CASD1: variants seen among roughly 807,000 people sequenced by gnomAD.
CASD1 encodes CAS1 domain sialic acid O acetyltransferase 1.
CASD1 carries 41 observed loss-of-function variants against 100.0 expected under a neutral mutation model. The ratio of observed to expected loss-of-function variants is 0.41; its 90% CI spans 0.32 to 0.53. CASD1 has a LOEUF of 0.53. Ranked by LOEUF, CASD1 falls within the 20% of genes least tolerant of loss-of-function variation. The probability of loss-of-function intolerance (pLI) is 0.25; values close to 1 mark genes in which losing one functional copy is unlikely to be tolerated. For missense variants in CASD1, 774 were observed against 948.7 expected (o/e 0.82, Z 2.42); for synonymous variants, 321 against 315.6 (o/e 1.02, Z -0.18).
At chr7:94,582,222 A>T in the CASD1 span, among the ~76,000 whole-genome samples, 1 of 152,236 alleles carries the variant, frequency 6.6e-6, no homozygotes, top group South Asian at 2.1e-4. Flanking sequence ...AGTTTAAGTG[A>T]TTCTCTTGCC....
chr7:94,544,657 T>C (rs1795589209), intron 11 of CASD1, 127 bp downstream of exon 11: 1 of 904,124 alleles, frequency 1.1e-6, no homozygotes, highest in Non-Finnish European at 1.6e-6. Context: ...GAAATAGCAC[T>C]GTGAAGTTGT....
At chr7:94,545,497 T>C in intron 11 of CASD1, 48 bp from the exon 12 acceptor site, 1 of 1,477,422 alleles carries the variant, frequency 6.8e-7, no homozygotes, top group Non-Finnish European at 9.4e-7. Context: ...GTACCTAGAA[T>C]GAAAACAATT....
chr7:94,603,473 C>G, the CASD1 span: 1 of 1,609,788 alleles, frequency 6.2e-7, no homozygotes, highest in East Asian at 2.2e-5. Context: ...GTGAAACTCT[C>G]AGGTTATCCT....
At chr7:94,627,826 GC>G in the CASD1 span, 2 of 204,908 alleles carry the variant, frequency 9.8e-6, no homozygotes, top group African/African-American at 4.7e-5. Flanking sequence ...TTGGCAAGTA[GC>G]AGGGGTATAT....
chr7:94,551,944 ATC>A (rs915242542), intron 15 of CASD1: 15 of 170,874 alleles, frequency 8.8e-5, no homozygotes, highest in Non-Finnish European at 1.2e-4. Context: ...GGCGATGTAT[ATC>A]TCCTTATTTT....
intron 3 of CASD1, among the ~76,000 whole-genome samples, chr7:94,526,355 G>A (rs1012070287): frequency 5.9e-5 from 9 of 152,196 alleles, no homozygotes; most frequent in African/African-American, 2.2e-4. Flanking sequence ...AGAGACTAGA[G>A]AATTGCCTTG....
the CASD1 span, among the ~76,000 whole-genome samples, chr7:94,564,503 T>C: frequency 1.3e-5 from 2 of 152,186 alleles, no homozygotes; most frequent in Admixed American, 6.5e-5. Context: ...CTATGATAGC[T>C]CTTGCCCCAC....
chr7:94,531,499 G>A (rs1404936725), intron 5 of CASD1, among the ~76,000 whole-genome samples: 3 of 152,104 alleles, frequency 2.0e-5, no homozygotes, highest in Admixed American at 1.3e-4. Context: ...TATATGGAAT[G>A]TAAGGTTTGG....
the CASD1 span, chr7:94,627,030 A>G: frequency 1.3e-5 from 2 of 152,086 alleles, no homozygotes; most frequent in Non-Finnish European, 2.9e-5. Context: ...GAATATTTAA[A>G]AAAATTAATT....
chr7:94,607,978 A>G, the CASD1 span, among the ~76,000 whole-genome samples: 1 of 152,194 alleles, frequency 6.6e-6, no homozygotes, highest in South Asian at 2.1e-4. Flanking sequence ...GAGCTGATAG[A>G]GCTGATACTA....
At chr7:94,628,180 G>C in the CASD1 span, 4 of 1,573,380 alleles carry the variant, frequency 2.5e-6, no homozygotes, top group Admixed American at 6.8e-5. Context: ...GTATAGTTTT[G>C]CTCTTTCTAG....
intron 2 of CASD1, 62 bp downstream of exon 2, chr7:94,517,718 G>C (rs1405106618): frequency 3.0e-6 from 3 of 988,344 alleles, no homozygotes; most frequent in Non-Finnish European, 3.1e-6. Context: ...TAGTGGAGAG[G>C]GGTTGGTGAA....
At position 94,555,596 on chromosome 7, in the gene CASD1, A is replaced by G; in HGVS notation, c.2232A>G (p.Ile744Met). ...TCAACATCATTGTCAGCACTTTCAT[A>G]TTTGTTTGTGTGGCACATGAAATTT... Reference protein sequence around the residue: ...PMLNIIVSTFIFVCVAHEISQ... With the variant: ...PMLNIIVSTFMFVCVAHEISQ... The change falls in exon 18 of 18, where the codon ATA becomes ATG. Residue 744 changes from isoleucine (I) to methionine (M), a missense_variant. Physicochemically the swap from Ile to Met is conservative, Grantham distance 10. This residue lies in a region of CASD1 where 175 missense variants were observed against 206.9 expected (regional missense o/e 0.85). Coordinates refer to ENST00000297273, the MANE Select transcript of CASD1 (RefSeq NM_022900.5). The G allele has an allele frequency of 6.2e-7, 1 of 1,613,530 alleles. No homozygotes were observed. The highest frequency in any genetic ancestry group is 2.2e-5 in the East Asian group (1 of 44,838).
chr7:94,552,048 A>G (rs944523021), intron 15 of CASD1: 5 of 256,560 alleles, frequency 1.9e-5, no homozygotes, highest in African/African-American at 1.1e-4. Context: ...TAAAAGTTAC[A>G]ATAAATTTGG....
At chr7:94,600,295 T>A in the CASD1 span, 7 of 241,706 alleles carry the variant, frequency 2.9e-5, no homozygotes, top group African/African-American at 1.4e-4. Context: ...CTAACACAAT[T>A]TTTTTAAGTG....
Position 94,535,507 on chromosome 7 carries a change from A to G in CASD1, c.827A>G (p.Glu276Gly), listed in dbSNP as rs1439113922. ...TCTTTGGATGGCTTACATCTTCCTG[A>G]ATCGAGCAGAGAAACTGTGAGAAAT... Reference protein sequence around the residue: ...MESLDGLHLPESSRETTAMIL... With the variant: ...MESLDGLHLPGSSRETTAMIL... The change falls in exon 8 of 18, where the codon GAA becomes GGA. Residue 276 changes from glutamate to glycine, a missense_variant. By Grantham distance (98) the Glu-to-Gly change is moderately conservative (BLOSUM62 -2). Around this residue, in one of 5 missense-constraint regions of CASD1, gnomAD observed 453 missense variants for 532.6 expected, o/e 0.85. Coordinates refer to ENST00000297273, the MANE Select transcript of CASD1 (RefSeq NM_022900.5). 2 of 1,613,334 alleles carry G rather than the reference A, an allele frequency of 1.2e-6. No homozygotes were observed.
chr7:94,596,941 TG>T, the CASD1 span, among the ~76,000 whole-genome samples: 1 of 152,286 alleles, frequency 6.6e-6, no homozygotes, highest in Admixed American at 6.5e-5. Context: ...TGAAAATGAA[TG>T]ATAAAGCCAT....
the CASD1 span, among the ~76,000 whole-genome samples, chr7:94,586,316 A>G: frequency 2.0e-5 from 3 of 152,164 alleles, no homozygotes; most frequent in African/African-American, 7.2e-5. Flanking sequence ...GGTAAAAGAA[A>G]AGAAAAGCTG....
downstream of CASD1, among the ~76,000 whole-genome samples, chr7:94,559,292 G>GTGTGTT (rs1222486048): frequency 4.5e-5 from 6 of 133,338 alleles, no homozygotes; most frequent in African/African-American, 1.6e-4. Flanking sequence ...GTGTGTGTGT[G>GTGTGTT]TGTGTGTGTG....
Sources: allele counts gnomAD v4.1 joint callset (sites outside exome capture counted in the v4.1 genomes callset), GRCh38; gene constraint gnomAD v4.1.1; regional missense constraint gnomAD v4.1.1; transcripts MANE v1.5; gene names NCBI Gene and HGNC (gene_info 2026-07-23, HGNC 2026-07-21).